STK3: variants seen among roughly 807,000 people sequenced by gnomAD.
STK3 encodes serine/threonine kinase 3.
STK3 carries 41 observed loss-of-function variants against 58.0 expected under a neutral mutation model. That is an observed-to-expected ratio of 0.71 (90% confidence interval 0.55 to 0.92). The LOEUF (loss-of-function observed/expected upper bound fraction) is 0.92, where lower values mean the gene tolerates loss of function less well. STK3 is among the 40% of genes least tolerant of loss of function. The pLI is 0.00. For synonymous variants in STK3, 170 were observed against 191.0 expected (o/e 0.89, Z 0.91); for missense variants, 479 against 602.7 (o/e 0.79, Z 2.15).
chr8:98,931,765 C>G (rs527379846), intron 1 of STK3, among the ~76,000 whole-genome samples: 5 of 152,190 alleles, frequency 3.3e-5, no homozygotes, highest in Non-Finnish European at 7.3e-5. Context: ...ACACAACAAT[C>G]TCCTTTCCTG....
At chr8:98,877,835 T>C (rs1837614007) in intron 3 of STK3, among the ~76,000 whole-genome samples, 1 of 152,138 alleles carries the variant, frequency 6.6e-6, no homozygotes, top group Non-Finnish European at 1.5e-5. Flanking sequence ...ATTGAAATAA[T>C]TATTATGTAG....
chr8:98,830,949 G>T (rs1227156041), intron 3 of STK3, among the ~76,000 whole-genome samples: 1 of 123,200 alleles, frequency 8.1e-6, no homozygotes, highest in Non-Finnish European at 1.6e-5. Context: ...CAGCCTGGGC[G>T]ACAGAGCAAG....
At chr8:98,751,931 C>T (rs761777752) in intron 3 of STK3, among the ~76,000 whole-genome samples, 6 of 151,898 alleles carry the variant, frequency 4.0e-5, no homozygotes, top group Non-Finnish European at 8.8e-5. Flanking sequence ...CAGAGCAAGA[C>T]TCCATCTCAA....
intron 10 of STK3, among the ~76,000 whole-genome samples, chr8:98,458,788 G>C (rs1207678533): frequency 6.6e-6 from 1 of 152,170 alleles, no homozygotes; most frequent in Non-Finnish European, 1.5e-5. Context: ...CACCACGTGA[G>C]AAGGTCCAGG....
chr8:98,672,635 C>T (rs1426889626), intron 6 of STK3, among the ~76,000 whole-genome samples: 1 of 152,038 alleles, frequency 6.6e-6, no homozygotes, highest in Non-Finnish European at 1.5e-5. Flanking sequence ...AGTAAAGAAA[C>T]AATTATTTCC....
intron 9 of STK3, among the ~76,000 whole-genome samples, chr8:98,543,774 G>T (rs1810475791): frequency 6.6e-6 from 1 of 152,138 alleles, no homozygotes; most frequent in South Asian, 2.1e-4. Flanking sequence ...AGAAACACAG[G>T]CCTCCAGGAA....
chr8:98,703,282 C>A (rs1825743508), intron 6 of STK3, among the ~76,000 whole-genome samples: 1 of 152,118 alleles, frequency 6.6e-6, no homozygotes, highest in Admixed American at 6.5e-5. Context: ...AAACTGAGTT[C>A]ATATCTCAGT....
chr8:98,397,182 C>T (rs1817904441), downstream of STK3, among the ~76,000 whole-genome samples: 1 of 152,200 alleles, frequency 6.6e-6, no homozygotes, highest in African/African-American at 2.4e-5. Context: ...AGTCCCCCAT[C>T]CCTCTGTCCG....
downstream of STK3, among the ~76,000 whole-genome samples, chr8:98,400,486 T>G (rs1052364854): frequency 6.6e-6 from 1 of 152,176 alleles, no homozygotes; most frequent in Admixed American, 6.5e-5. Context: ...CTCAGCAATC[T>G]CTCTCACGCA....
chr8:98,584,808 G>C lies in STK3; in HGVS notation c.823-5019C>G, dbSNP rs1317944558. ...TTGCCATTCTAACTGGTGTGAGATGGTATCTCATTGTGGTTTTGATTTGCA... is the reference window on the plus strand; with the variant it reads ...TTGCCATTCTAACTGGTGTGAGATGCTATCTCATTGTGGTTTTGATTTGCA... On this transcript the variant is annotated intron_variant, in intron 7 of 10. Coordinates refer to ENST00000419617, the MANE Select transcript of STK3 (RefSeq NM_006281.4). Among the ~76,000 whole-genome samples the C allele has an allele frequency of 2.7e-5, 4 of 148,984 alleles. No homozygotes were observed. In the East Asian group the frequency reaches 8.0e-4, roughly 30 times the overall value.
chr8:98,535,900 G>T (rs190339777), intron 9 of STK3, among the ~76,000 whole-genome samples: 2 of 152,066 alleles, frequency 1.3e-5, no homozygotes, highest in East Asian at 3.9e-4. Context: ...TAGAAATGAG[G>T]AGAGTAAGAA....
chr8:98,889,565 A>G (rs1160402998), intron 1 of STK3, among the ~76,000 whole-genome samples: 2 of 152,248 alleles, frequency 1.3e-5, no homozygotes, highest in South Asian at 2.1e-4. Flanking sequence ...TTCAAATTTC[A>G]TCTTATCTCC....
At chr8:98,878,356 C>G (rs1248182452) in intron 3 of STK3, among the ~76,000 whole-genome samples, 1 of 152,174 alleles carries the variant, frequency 6.6e-6, no homozygotes, top group Admixed American at 6.5e-5. Context: ...ATCAATATGT[C>G]AGTATGTTCA....
At chr8:98,830,209 C>A (rs1411918427), upstream of STK3, among the ~76,000 whole-genome samples, 1 of 151,708 alleles carries the variant, frequency 6.6e-6, no homozygotes, top group East Asian at 1.9e-4. Context: ...GCCTGGACAA[C>A]AGAGCAAAAC....
At chr8:98,938,117 G>T (rs774175468) in intron 1 of STK3, among the ~76,000 whole-genome samples, 1 of 151,770 alleles carries the variant, frequency 6.6e-6, no homozygotes, top group African/African-American at 2.4e-5. Context: ...TGCGTTTTCA[G>T]TGGCTTCCCT....
chr8:98,393,820 C>G (rs1248774637), intron 3 of STK3: 1 of 152,082 alleles, frequency 6.6e-6, no homozygotes, highest in Non-Finnish European at 1.5e-5. Context: ...CATGGCTGGC[C>G]ACAGATACAA....
intron 4 of STK3, among the ~76,000 whole-genome samples, chr8:98,742,055 A>C (rs371525822): frequency 6.6e-6 from 1 of 151,970 alleles, no homozygotes; most frequent in Non-Finnish European, 1.5e-5. Flanking sequence ...TCTGAATAGA[A>C]CAATAACAGG....
chr8:98,661,298 C>T (rs1031103276), intron 6 of STK3, among the ~76,000 whole-genome samples: 25 of 151,894 alleles, frequency 1.6e-4, no homozygotes, highest in Non-Finnish European at 1.0e-4. Context: ...ATGAACTATC[C>T]CTCACATGTC....
chr8:98,568,846 A>C (rs956345317), intron 8 of STK3, among the ~76,000 whole-genome samples: 3 of 152,148 alleles, frequency 2.0e-5, no homozygotes, highest in African/African-American at 7.2e-5. Context: ...CAACCAAATA[A>C]AAGGAGATCC....
Sources: allele counts gnomAD v4.1 joint callset (sites outside exome capture counted in the v4.1 genomes callset), GRCh38; gene constraint gnomAD v4.1.1; transcripts MANE v1.5; gene names NCBI Gene and HGNC (gene_info 2026-07-23, HGNC 2026-07-21).